Variants in MYO16 observed in about 807,000 individuals in gnomAD.
MYO16 encodes unconventional myosin-XVI.
In MYO16, 94 loss-of-function variants were observed where a neutral mutation model predicts 205.3. That is an observed-to-expected ratio of 0.46 (90% confidence interval 0.39 to 0.54). The LOEUF (loss-of-function observed/expected upper bound fraction) is 0.54, where lower values mean the gene tolerates loss of function less well. Among genes scored for constraint, MYO16 ranks in the 20% least tolerant of loss-of-function variants. The pLI is 0.00. For synonymous variants in MYO16, 988 were observed against 954.0 expected (o/e 1.04, Z -0.66); for missense variants, 2,315 against 2,387.5 (o/e 0.97, Z 0.63).
intron 20 of MYO16, among the ~76,000 whole-genome samples, chr13:108,976,068 T>A (rs917917976): frequency 5.9e-5 from 9 of 152,148 alleles, no homozygotes; most frequent in African/African-American, 2.2e-4. Context: ...ATGAAATAAG[T>A]TTAAAAACTT....
intron 16 of MYO16, among the ~76,000 whole-genome samples, chr13:108,910,788 C>G (rs1256439491): frequency 1.3e-5 from 2 of 152,044 alleles, no homozygotes; most frequent in Non-Finnish European, 2.9e-5. Context: ...GGAAATGAAT[C>G]CTGTTCTGAA....
intron 4 of MYO16, among the ~76,000 whole-genome samples, 192 bp from the exon 5 acceptor site, chr13:108,785,443 G>A (rs966166405): frequency 9.9e-5 from 15 of 152,148 alleles, no homozygotes; most frequent in African/African-American, 1.7e-4. Flanking sequence ...TTTTCAGAAC[G>A]TTAGAGTCTC....
chr13:108,585,981 A>G, the MYO16 span, among the ~76,000 whole-genome samples: 1 of 143,240 alleles, frequency 7.0e-6, no homozygotes, highest in Admixed American at 7.1e-5. Flanking sequence ...TGATCTGTAA[A>G]CTAAGATGGA....
chr13:109,041,607 G>T (rs1886887094), intron 23 of MYO16, among the ~76,000 whole-genome samples: 1 of 152,106 alleles, frequency 6.6e-6, no homozygotes, highest in African/African-American at 2.4e-5. Context: ...TCCGTGTGGT[G>T]ATGTAAATAT....
At chr13:109,147,367 T>G (rs1229259000) in intron 32 of MYO16, among the ~76,000 whole-genome samples, 1 of 152,178 alleles carries the variant, frequency 6.6e-6, no homozygotes, top group Non-Finnish European at 1.5e-5. Flanking sequence ...CAAATGCCCC[T>G]GAATTACTCA....
chr13:108,763,469 A>G (rs1012377141), intron 4 of MYO16, among the ~76,000 whole-genome samples: 1 of 152,168 alleles, frequency 6.6e-6, no homozygotes, highest in African/African-American at 2.4e-5. Context: ...AATCCTGGAA[A>G]GTGATTGTGG....
In MYO16 at chr13:108,747,117, C is replaced by A. The variant is rs573912966; in HGVS notation, c.507+19534C>A. 3.7e-4 allele frequency among the ~76,000 whole-genome samples: 57 copies of A among 152,178 alleles called. 1 individual carries two copies. The South Asian group carries it at 4.6e-3, about 12-fold the overall frequency. ...TTTCTCAGACAAACAAAAGTTGAGC[C>A]AACACATTGCCAGCAGACCTCCAGC... On this transcript the variant is annotated intron_variant, in intron 4 of 34. Transcript: ENST00000457511.
At chr13:109,182,235 C>T (rs944842106) in intron 34 of MYO16, among the ~76,000 whole-genome samples, 4 of 152,138 alleles carry the variant, frequency 2.6e-5, no homozygotes, top group East Asian at 1.9e-4. Flanking sequence ...GCACCTACCA[C>T]GATGAAAATA....
chr13:108,790,559 A>T (rs986824866), intron 5 of MYO16, among the ~76,000 whole-genome samples: 14 of 152,330 alleles, frequency 9.2e-5, no homozygotes, highest in African/African-American at 2.9e-4. Flanking sequence ...GTTACAACGT[A>T]GACTTATGGG....
At chr13:108,923,348 G>GA (rs1217185832) in intron 16 of MYO16, among the ~76,000 whole-genome samples, 21 of 152,246 alleles carry the variant, frequency 1.4e-4, no homozygotes. Context: ...GTAATAAGGT[G>GA]AAGGCAGTAC....
At chr13:109,095,506 A>G (rs566267827) in intron 27 of MYO16, among the ~76,000 whole-genome samples, 6 of 152,336 alleles carry the variant, frequency 3.9e-5, no homozygotes, top group African/African-American at 1.2e-4. Context: ...TAACACTAAC[A>G]TAGAGTATGT....
chr13:109,124,995 G>T lies in MYO16; in HGVS notation c.3536-117G>T. 4.4e-6 allele frequency: 5 copies of T among 1,137,188 alleles called. No individual in the cohort carries two copies. In the South Asian group the frequency reaches 8.0e-5, roughly 18 times the overall value. 70.4% of individuals were successfully genotyped at this position (1,137,188 alleles called of 1,614,324 possible). Reference sequence around the variant, plus strand: ...TGATTTAGATAAAGTCTTATTCTGGGTTAAATGTACCTTATTCTACAACTG... The same window carrying T: ...TGATTTAGATAAAGTCTTATTCTGGTTTAAATGTACCTTATTCTACAACTG... On this transcript the variant is annotated intron_variant, in intron 29 of 34. Transcript: ENST00000457511.
At chr13:108,696,799 G>A (rs1883107960) in intron 2 of MYO16, among the ~76,000 whole-genome samples, 1 of 152,132 alleles carries the variant, frequency 6.6e-6, no homozygotes, top group Admixed American at 6.5e-5. Flanking sequence ...CATAGTTGCA[G>A]GAAGTCAGAA....
At chr13:108,561,514 A>G in the MYO16 span, among the ~76,000 whole-genome samples, 1 of 152,158 alleles carries the variant, frequency 6.6e-6, no homozygotes, top group Admixed American at 6.5e-5. Flanking sequence ...TTTTTTTCTT[A>G]TAAAAGGTAC....
At chr13:109,003,238 G>A (rs1022045937) in intron 21 of MYO16, among the ~76,000 whole-genome samples, 1 of 152,130 alleles carries the variant, frequency 6.6e-6, no homozygotes, top group Non-Finnish European at 1.5e-5. Flanking sequence ...GGTACAAATT[G>A]GAAATCAGTC....
chr13:108,838,710 CTAT>C, intron 9 of MYO16, among the ~76,000 whole-genome samples: 1 of 141,336 alleles, frequency 7.1e-6, no homozygotes, highest in Admixed American at 7.2e-5. Flanking sequence ...CACACACACA[CTAT>C]ACATATACAC....
chr13:108,556,950 G>A, the MYO16 span, among the ~76,000 whole-genome samples: 1 of 152,136 alleles, frequency 6.6e-6, no homozygotes, highest in South Asian at 2.1e-4. Flanking sequence ...GTTATTGTGT[G>A]GATTTATTTC....
rs550334033 is a variant in MYO16, at chr13:109,042,987, T to G, written c.2797-3929T>G. Among the ~76,000 whole-genome samples, 26 of 152,318 alleles carry G rather than the reference T, an allele frequency of 1.7e-4. No individual in the cohort carries two copies. In the East Asian group the frequency reaches 5.0e-3, roughly 29 times the overall value. On this transcript the variant is annotated intron_variant, in intron 23 of 34. Coordinates refer to ENST00000457511, the MANE Select transcript of MYO16 (RefSeq NM_001198950.3). ...TGAATTGAAGTCTCCAAATGGGAGT[T>G]TTTTTACTTTAGTTTGAATGGAAGA... is the stretch of plus-strand genomic sequence containing the variant.
At position 109,007,185 on chromosome 13, in the gene MYO16, T is replaced by G. The variant is rs563598629; in HGVS notation, c.2443-1712T>G. On this transcript the variant is annotated intron_variant, in intron 21 of 34. Transcript: ENST00000457511. ...GGGTGGATCACGAGGTCAGGAGATC[T>G]AGACCAACCTGTCTAACATGGTGAA... Among the ~76,000 whole-genome samples, 29 of 152,178 alleles carry G rather than the reference T, an allele frequency of 1.9e-4. No individual in the cohort carries two copies. In the South Asian group the frequency reaches 5.4e-3, roughly 28 times the overall value.
Sources: gnomAD v4.1 joint callset for allele counts (sites outside exome capture counted in the v4.1 genomes callset) on GRCh38, gnomAD v4.1.1 for gene constraint, MANE v1.5 for transcripts, NCBI Gene and HGNC (gene_info 2026-07-23, HGNC 2026-07-21) for gene names.